Variants in IRAG2 observed in about 807,000 individuals in gnomAD.
The protein encoded by IRAG2 is inositol 1,4,5-triphosphate receptor associated 2.
In IRAG2, 45 loss-of-function variants were observed where a neutral mutation model predicts 69.9. The observed-to-expected ratio is 0.64, with a 90% CI of 0.51 to 0.83. The LOEUF is 0.83. Ranked by LOEUF, IRAG2 falls within the 40% of genes least tolerant of loss-of-function variation. The probability of loss-of-function intolerance (pLI) is 0.00; values close to 1 mark genes in which losing one functional copy is unlikely to be tolerated. For missense variants in IRAG2, 520 were observed against 587.0 expected (o/e 0.89, Z 1.18); for synonymous variants, 193 against 202.4 (o/e 0.95, Z 0.40).
intron 6 of IRAG2, chr12:25,076,325 G>T (rs763839283): frequency 1.3e-6 from 1 of 758,242 alleles, no homozygotes; most frequent in Non-Finnish European, 1.6e-6. Flanking sequence ...ATAATTATTT[G>T]TTTAATCAAT....
chr12:25,035,834 A>G lies in IRAG2; in HGVS notation c.1878+47A>G, dbSNP rs756162084. The G allele has an allele frequency of 1.0e-5, 4 of 398,592 alleles. No homozygotes were observed. In the East Asian group the frequency reaches 1.4e-4, roughly 14 times the overall value. The allele number at this position is 398,592 out of a possible 1,614,324, so 24.7% of individuals were successfully genotyped here. A position where few individuals can be genotyped will look rare whatever the true frequency, so the allele number is the denominator to read the frequency against. Reference sequence around the variant, plus strand: ...TCATGGTGTTCCGTTTTGGCTGGCAATATCTGCAGATAACTGACCTGCAAC... The same window carrying G: ...TCATGGTGTTCCGTTTTGGCTGGCAGTATCTGCAGATAACTGACCTGCAAC... On this transcript the variant is annotated intron_variant, in intron 14 of 38. Transcript: ENST00000636465.
intron 2 of IRAG2, among the ~76,000 whole-genome samples, chr12:25,009,759 C>CTT (rs1944460325): frequency 6.6e-6 from 1 of 151,402 alleles, no homozygotes; most frequent in Admixed American, 6.6e-5. Flanking sequence ...AGCCAGCAGG[C>CTT]TTGAAGCAAG....
chr12:25,005,197 T>C (rs988784564), intron 1 of IRAG2: 2 of 934,424 alleles, frequency 2.1e-6, no homozygotes, highest in African/African-American at 3.4e-5. Context: ...TTAATCATTA[T>C]AGCACAGAAA....
At chr12:25,076,371 A>G (rs12423264) in intron 6 of IRAG2, 299,808 of 948,748 alleles carry the variant, frequency 0.32, 48,719 homozygotes, top group Middle Eastern at 0.43. Flanking sequence ...TTCTAACTAC[A>G]ATGTTTCATA....
Position 25,046,676 on chromosome 12 carries a change from G to C in IRAG2, c.2145-5559G>C, listed in dbSNP as rs577681382. Reference sequence around the variant, plus strand: ...CAAAATATTGATGAGAGAAATTAAAGAAGACACAAATAAATGAAAAGGCAT... The same window carrying C: ...CAAAATATTGATGAGAGAAATTAAACAAGACACAAATAAATGAAAAGGCAT... On this transcript the variant is annotated intron_variant, in intron 16 of 38. Transcript: ENST00000636465. Among the ~76,000 whole-genome samples the C allele has an allele frequency of 2.6e-5, 4 of 152,132 alleles. No individual in the cohort carries two copies. In the South Asian group the frequency reaches 8.3e-4, roughly 32 times the overall value.
At chr12:24,998,332 A>C in the IRAG2 span, among the ~76,000 whole-genome samples, 1 of 152,218 alleles carries the variant, frequency 6.6e-6, no homozygotes, top group African/African-American at 2.4e-5. Context: ...AAGGTTGCGG[A>C]TGACAGACTT....
At chr12:25,018,991 G>T (rs913224442) in intron 6 of IRAG2, among the ~76,000 whole-genome samples, 1 of 152,118 alleles carries the variant, frequency 6.6e-6, no homozygotes, top group African/African-American at 2.4e-5. Context: ...GAGGTGGGAG[G>T]GTTCCCTTGA....
intron 15 of IRAG2, 174 bp from the exon 16 acceptor site, chr12:25,101,004 G>C: frequency 2.1e-6 from 1 of 475,378 alleles, no homozygotes; most frequent in African/African-American, 2.0e-5. Flanking sequence ...TCAAAGTCTT[G>C]TTGTCATATT....
chr12:25,039,435 T>C (rs1174158226), intron 16 of IRAG2, among the ~76,000 whole-genome samples: 1 of 152,118 alleles, frequency 6.6e-6, no homozygotes, highest in Non-Finnish European at 1.5e-5. Context: ...AGCGTCAACA[T>C]TCTTCTTTTT....
rs1391505036 is a variant in IRAG2, at chr12:25,026,852, GAGAC to G, written c.1451_1454del (p.Thr484SerfsTer27). ...GAAGATTGAAGACTTGTCTAAAACT[GAGAC>G]AGAGCACCAAGTAAGCACTTCCCAA... On this transcript the variant is annotated frameshift_variant, in exon 9 of 39. Coordinates refer to the IRAG2 transcript ENST00000636465. LOFTEE classifies it high-confidence loss of function. 2 of 1,227,842 alleles carry G rather than the reference GAGAC, an allele frequency of 1.6e-6. No homozygotes were observed. Among genetic ancestry groups the G allele is most frequent in the Non-Finnish European group, 2.0e-6 (2 of 984,166 alleles). 76.1% of individuals were successfully genotyped at this position (1,227,842 alleles called of 1,614,324 possible).
At chr12:25,009,723 A>T (rs2139818760) in intron 2 of IRAG2, among the ~76,000 whole-genome samples, 1 of 152,184 alleles carries the variant, frequency 6.6e-6, no homozygotes, top group Middle Eastern at 3.4e-3. Context: ...GAACCAGGAG[A>T]GCTGCTGGTG....
chr12:25,031,624 A>G (rs957715386), intron 10 of IRAG2, among the ~76,000 whole-genome samples: 4 of 152,102 alleles, frequency 2.6e-5, no homozygotes, highest in African/African-American at 9.7e-5. Context: ...GACACCAGTT[A>G]CATATTGCTC....
At chr12:25,052,436 CA>C (rs1419057201), upstream of IRAG2, 12 of 391,280 alleles carry the variant, frequency 3.1e-5, no homozygotes, top group Non-Finnish European at 4.9e-5. Context: ...GGAGGAACAA[CA>C]ACAACAAACA....
intron 2 of IRAG2, among the ~76,000 whole-genome samples, chr12:25,009,514 A>T (rs1944458158): frequency 6.6e-6 from 1 of 152,206 alleles, no homozygotes; most frequent in Non-Finnish European, 1.5e-5. Context: ...TGGGATGTGT[A>T]TTAGCCAGGG....
intron 16 of IRAG2, among the ~76,000 whole-genome samples, chr12:25,041,560 GAACCTCCACCTCCCGGGTTC>G: frequency 6.6e-6 from 1 of 151,878 alleles, no homozygotes; most frequent in African/African-American, 2.4e-5. Context: ...CAGCTCACTG[GAACCTCCACCTCCCGGGTTC>G]AACCTCCACC....
At chr12:25,060,626 A>C (rs1945558779) in intron 1 of IRAG2, among the ~76,000 whole-genome samples, 1 of 148,034 alleles carries the variant, frequency 6.8e-6, no homozygotes, top group Non-Finnish European at 1.5e-5. Context: ...GGATTTCTTT[A>C]TCAGTAGGAG....
At chr12:25,085,404 C>T (rs1258826094) in intron 10 of IRAG2, among the ~76,000 whole-genome samples, 1 of 152,180 alleles carries the variant, frequency 6.6e-6, no homozygotes. Context: ...ATACTCTTCT[C>T]CAACTGCCCC....
At chr12:25,044,594 G>A (rs1944777254) in intron 16 of IRAG2, among the ~76,000 whole-genome samples, 1 of 151,952 alleles carries the variant, frequency 6.6e-6, no homozygotes, top group Non-Finnish European at 1.5e-5. Flanking sequence ...GATATTCCAA[G>A]CAAATGGTAG....
rs1475734481 is a variant in IRAG2, at chr12:25,097,310, AT to A, written c.741+267del. 2.0e-5 allele frequency: 6 copies of A among 296,274 alleles called. No homozygotes were observed. In the East Asian group the frequency reaches 3.5e-4, roughly 17 times the overall value. The allele number at this position is 296,274 out of a possible 1,614,324, so 18.4% of individuals were successfully genotyped here. ...TGTATAGTGTTATAATATAGTGTTT[AT>A]AATCCCTTATATAGTGTTATAATCT... On this transcript the variant is annotated intron_variant, in intron 15 of 21. Transcript: ENST00000556887.
Sources: gnomAD v4.1 joint callset for allele counts (sites outside exome capture counted in the v4.1 genomes callset) on GRCh38, gnomAD v4.1.1 for gene constraint, MANE v1.5 for transcripts, NCBI Gene and HGNC (gene_info 2026-07-23, HGNC 2026-07-21) for gene names.